ERICH6B: variants seen among roughly 807,000 people sequenced by gnomAD.
ERICH6B encodes glutamate rich 6B, also known as glutamate-rich protein 6B.
Under a neutral mutation model 80.0 loss-of-function variants are expected in ERICH6B, and 69 were observed. The observed-to-expected ratio is 0.86, with a 90% CI of 0.71 to 1.05. The LOEUF (loss-of-function observed/expected upper bound fraction) is 1.05. Ranked by LOEUF, ERICH6B falls within the 50% of genes least tolerant of loss-of-function variation. The pLI is 0.00. For synonymous variants in ERICH6B, 283 were observed against 291.9 expected (o/e 0.97, Z 0.31); for missense variants, 754 against 796.1 (o/e 0.95, Z 0.64).
At chr13:45,576,681 C>A (rs1377470807) in intron 7 of ERICH6B, among the ~76,000 whole-genome samples, 1 of 152,110 alleles carries the variant, frequency 6.6e-6, no homozygotes, top group Non-Finnish European at 1.5e-5. Context: ...AACTCAGCAA[C>A]TTCCCATCAT....
chr13:45,551,116 T>C lies in ERICH6B; in HGVS notation c.1408-800A>G, dbSNP rs537396082. 2.6e-5 allele frequency among the ~76,000 whole-genome samples: 4 copies of C among 152,354 alleles called. No individual in the cohort carries two copies. In the East Asian group the frequency reaches 7.7e-4, roughly 29 times the overall value. On this transcript the variant is annotated intron_variant, in intron 11 of 14. Transcript: ENST00000298738. Reference sequence around the variant, plus strand: ...TATTGTCATAAAAATTTTAAGTTTATAGTGTTTTAAAGAGATCTCTGCTGT... The same window carrying C: ...TATTGTCATAAAAATTTTAAGTTTACAGTGTTTTAAAGAGATCTCTGCTGT...
intron 2 of ERICH6B, among the ~76,000 whole-genome samples, chr13:45,604,700 AC>A (rs1383599701): frequency 0.04 from 6,061 of 151,518 alleles, 404 homozygotes; most frequent in African/African-American, 0.14. Flanking sequence ...GAAAAAACAA[AC>A]AAACAAACAA....
Position 45,541,729 on chromosome 13 carries a change from C to G in ERICH6B, c.1873-49G>C. 3 of 1,519,776 alleles carry G rather than the reference C, an allele frequency of 2.0e-6. 1 individual carries two copies. The highest frequency in any genetic ancestry group is 2.4e-5 in the South Asian group (2 of 83,182). 94.1% of individuals were successfully genotyped at this position (1,519,776 alleles called of 1,614,324 possible). ...GGTGAGAATGCATGCTGCCTGAGCA[C>G]GGTGCCCCAGACCCAGGCCAGATCT... On this transcript the variant is annotated intron_variant, in intron 14 of 14. Coordinates refer to ENST00000298738, the MANE Select transcript of ERICH6B (RefSeq NM_182542.3).
chr13:45,571,774 G>C (rs1418425513), intron 8 of ERICH6B, among the ~76,000 whole-genome samples: 1 of 152,290 alleles, frequency 6.6e-6, no homozygotes, highest in East Asian at 1.9e-4. Context: ...AGTATGACTG[G>C]TGTCTTTACA....
intron 2 of ERICH6B, among the ~76,000 whole-genome samples, chr13:45,598,765 G>T (rs772777391): frequency 6.6e-6 from 1 of 152,160 alleles, no homozygotes; most frequent in Non-Finnish European, 1.5e-5. Context: ...CAGCGGTGAG[G>T]AGTGTGGTCA....
At chr13:45,561,166 G>A (rs1488783580) in intron 11 of ERICH6B, among the ~76,000 whole-genome samples, 1 of 152,256 alleles carries the variant, frequency 6.6e-6, no homozygotes, top group Non-Finnish European at 1.5e-5. Flanking sequence ...CCTGCAGGCA[G>A]AAGACTCAAT....
chr13:45,552,242 A>G (rs1874250755), intron 11 of ERICH6B, among the ~76,000 whole-genome samples: 1 of 152,106 alleles, frequency 6.6e-6, no homozygotes, highest in South Asian at 2.1e-4. Flanking sequence ...CTGACCTAGC[A>G]TGTGATCAAT....
intron 2 of ERICH6B, among the ~76,000 whole-genome samples, chr13:45,597,402 G>T (rs1876446247): frequency 6.6e-6 from 1 of 152,198 alleles, no homozygotes; most frequent in Admixed American, 6.5e-5. Flanking sequence ...CAATAAATAA[G>T]ACAGAGACTG....
chr13:45,563,683 C>T (rs1566290567), intron 10 of ERICH6B, 44 bp downstream of exon 10: 1 of 1,511,180 alleles, frequency 6.6e-7, no homozygotes, highest in African/African-American at 1.4e-5. Flanking sequence ...GGGATGCAGA[C>T]AGGAGAGCCA....
chr13:45,568,166 G>A (rs1874999681), intron 9 of ERICH6B, 149 bp downstream of exon 9: 1 of 823,308 alleles, frequency 1.2e-6, no homozygotes, highest in Non-Finnish European at 1.8e-6. Flanking sequence ...CTTTCCCTGT[G>A]CTTGGCCTGT....
intron 3 of ERICH6B, among the ~76,000 whole-genome samples, chr13:45,591,713 G>A (rs928720309): frequency 2.6e-5 from 4 of 152,340 alleles, no homozygotes; most frequent in Admixed American, 2.6e-4. Flanking sequence ...TAGACAGCAT[G>A]TTTAAAACAG....
At chr13:45,574,817 G>GGT (rs1434308170) in intron 8 of ERICH6B, 25 bp downstream of exon 8, 8 of 1,510,286 alleles carry the variant, frequency 5.3e-6, no homozygotes, top group African/African-American at 2.8e-5. Context: ...CTGGGGGGGG[G>GGT]GTCTCAAGTT....
intron 8 of ERICH6B, among the ~76,000 whole-genome samples, chr13:45,569,579 G>A (rs1268367493): frequency 2.6e-5 from 4 of 152,152 alleles, no homozygotes; most frequent in Non-Finnish European, 5.9e-5. Context: ...GCCAGGGATC[G>A]GTCATGTTCC....
At chr13:45,557,064 A>C (rs563963142) in intron 11 of ERICH6B, among the ~76,000 whole-genome samples, 32 of 152,238 alleles carry the variant, frequency 2.1e-4, no homozygotes, top group Middle Eastern at 3.4e-3. Context: ...AGCAGTGTAG[A>C]AGTGTTCTCT....
intron 11 of ERICH6B, among the ~76,000 whole-genome samples, chr13:45,556,189 T>G (rs964912264): frequency 3.4e-4 from 51 of 151,840 alleles, no homozygotes; most frequent in African/African-American, 1.2e-3. Context: ...GTGTATTGAC[T>G]CTCTCCTCAA....
intron 2 of ERICH6B, among the ~76,000 whole-genome samples, chr13:45,598,735 T>A (rs1204580690): frequency 6.6e-6 from 1 of 152,148 alleles, no homozygotes; most frequent in Non-Finnish European, 1.5e-5. Context: ...GATCCCCTTT[T>A]CAAAGAAGGA....
intron 4 of ERICH6B, among the ~76,000 whole-genome samples, chr13:45,589,831 T>G (rs1369948104): frequency 6.6e-6 from 1 of 152,190 alleles, no homozygotes; most frequent in Non-Finnish European, 1.5e-5. Context: ...GCAGTGGAGT[T>G]ACCTGTCAGA....
At chr13:45,553,500 A>G (rs987411314) in intron 11 of ERICH6B, among the ~76,000 whole-genome samples, 3 of 152,242 alleles carry the variant, frequency 2.0e-5, no homozygotes, top group African/African-American at 4.8e-5. Flanking sequence ...CCTAGACATC[A>G]GGTAGAAAGC....
chr13:45,583,886 CA>C (rs1407088965), intron 5 of ERICH6B, among the ~76,000 whole-genome samples: 4 of 152,160 alleles, frequency 2.6e-5, no homozygotes, highest in Non-Finnish European at 4.4e-5. Flanking sequence ...ATGTCTTTAT[CA>C]GCAGCATGAA....
Sources: allele counts gnomAD v4.1 joint callset (sites outside exome capture counted in the v4.1 genomes callset), GRCh38; gene constraint gnomAD v4.1.1; transcripts MANE v1.5; gene names NCBI Gene and HGNC (gene_info 2026-07-23, HGNC 2026-07-21).